CALD1: variants seen among roughly 807,000 people sequenced by gnomAD.
CALD1 encodes the protein caldesmon.
CALD1 carries 33 observed loss-of-function variants against 99.9 expected under a neutral mutation model. That is an observed-to-expected ratio of 0.33 (90% CI 0.25 to 0.44). The LOEUF (loss-of-function observed/expected upper bound fraction) is 0.44. CALD1 is among the 20% of genes least tolerant of loss of function. The probability of loss-of-function intolerance (pLI) is 1.00; values close to 1 mark genes in which losing one functional copy is unlikely to be tolerated. For synonymous variants in CALD1, 310 were observed against 325.0 expected (o/e 0.95, Z 0.50); for missense variants, 861 against 962.1 (o/e 0.89, Z 1.39).
rs530052554 is a variant in CALD1, at chr7:134,796,236, T to C, written c.-130+16487T>C. Among the ~76,000 whole-genome samples the C allele has an allele frequency of 1.3e-4, 20 of 152,346 alleles. No homozygotes were observed. In the East Asian group the frequency reaches 3.9e-3, roughly 29 times the overall value. Reference sequence around the variant, plus strand: ...CCACAGCTGATAATCTGTGTGACTTTGAATGGCCTCCTTGTGCCTCGGGCT... The same window carrying C: ...CCACAGCTGATAATCTGTGTGACTTCGAATGGCCTCCTTGTGCCTCGGGCT... On this transcript the variant is annotated intron_variant, in intron 1 of 14. Transcript: ENST00000361675.
chr7:134,828,789 T>C (rs1422345678), intron 1 of CALD1, among the ~76,000 whole-genome samples: 1 of 152,224 alleles, frequency 6.6e-6, no homozygotes, highest in African/African-American at 2.4e-5. Context: ...GAAAATAGCT[T>C]TTAGGTCTGC....
chr7:134,926,741 T>C (rs1805050018), intron 3 of CALD1, among the ~76,000 whole-genome samples: 1 of 152,238 alleles, frequency 6.6e-6, no homozygotes, highest in African/African-American at 2.4e-5. Context: ...AGTATGGTTC[T>C]ACTGTTTTGT....
In CALD1 at chr7:134,950,481, C is replaced by T; in HGVS notation, c.1902C>T (p.Phe634=). The T allele has an allele frequency of 6.2e-7, 1 of 1,614,062 alleles. No individual in the cohort carries two copies. The highest frequency in any genetic ancestry group is 8.5e-7 in the Non-Finnish European group (1 of 1,179,892). ...GCTTGTCAGATGACAAGAAACCATT[C>T]AAGTGTTTCACTCCTAAAGGTTCAT... The part of the protein sequence containing the change: ...EDGLSDDKKP[F]KCFTPKGSSL... The change falls in exon 9 of 15, where the codon TTC becomes TTT. Residue 634 remains phenylalanine (F), a synonymous_variant. Coordinates refer to ENST00000361675, the MANE Select transcript of CALD1 (RefSeq NM_033138.4).
rs570097270 is a variant in CALD1, at chr7:134,804,220, T to C, written c.-130+24471T>C. Among the ~76,000 whole-genome samples the C allele has an allele frequency of 6.6e-5, 10 of 152,368 alleles. No homozygotes were observed. In the South Asian group the frequency reaches 1.9e-3, roughly 28 times the overall value. ...TTATAATAATTGTATGAATACTTCA[T>C]AGCTTACCACATAGTATACTATGAT... On this transcript the variant is annotated intron_variant, in intron 1 of 14. Coordinates refer to ENST00000361675, the MANE Select transcript of CALD1 (RefSeq NM_033138.4).
intron 4 of CALD1, among the ~76,000 whole-genome samples, chr7:134,930,419 C>A (rs1008013665): frequency 6.6e-6 from 1 of 152,116 alleles, no homozygotes; most frequent in Non-Finnish European, 1.5e-5. Context: ...TATATAAGAT[C>A]TCACATGTGG....
intron 1 of CALD1, among the ~76,000 whole-genome samples, chr7:134,799,320 T>G (rs1797859617): frequency 6.6e-6 from 1 of 152,190 alleles, no homozygotes; most frequent in Non-Finnish European, 1.5e-5. Context: ...ATTGGTCATC[T>G]AAGTATAAAT....
the CALD1 span, among the ~76,000 whole-genome samples, chr7:134,727,099 T>G: frequency 1.4e-4 from 22 of 152,192 alleles, no homozygotes; most frequent in African/African-American, 5.3e-4. Flanking sequence ...AGCCTTCCAC[T>G]TCTACAGTGG....
At chr7:134,757,891 T>TA (rs111753846) in intron 1 of CALD1, among the ~76,000 whole-genome samples, 40 of 140,654 alleles carry the variant, frequency 2.8e-4, no homozygotes, top group East Asian at 1.4e-3. Flanking sequence ...AAAATAAAAA[T>TA]AAAAAAAAAA....
intron 2 of CALD1, among the ~76,000 whole-genome samples, chr7:134,847,017 G>A (rs1363876163): frequency 1.3e-5 from 2 of 152,206 alleles, no homozygotes; most frequent in East Asian, 1.9e-4. Context: ...GGCCAACATA[G>A]GTGCCTCCCG....
chr7:134,886,322 C>A (rs1228263078), intron 3 of CALD1, among the ~76,000 whole-genome samples: 2 of 152,076 alleles, frequency 1.3e-5, no homozygotes, highest in African/African-American at 4.8e-5. Flanking sequence ...TCTTAAAGAA[C>A]CACTAGAATT....
chr7:134,867,640 A>G (rs759512643), intron 2 of CALD1, 53 bp from the exon 3 acceptor site: 16 of 630,660 alleles, frequency 2.5e-5, no homozygotes, highest in Non-Finnish European at 3.8e-5. Flanking sequence ...GTAACTCAGG[A>G]GAAGTAACAC....
chr7:134,843,267 C>T (rs1563038569), intron 1 of CALD1, among the ~76,000 whole-genome samples: 2 of 152,160 alleles, frequency 1.3e-5, no homozygotes, highest in African/African-American at 4.8e-5. Context: ...ATGGTTCACC[C>T]GGGCGTCTAT....
At chr7:134,768,902 C>T (rs976762309) in intron 1 of CALD1, among the ~76,000 whole-genome samples, 1 of 152,068 alleles carries the variant, frequency 6.6e-6, no homozygotes, top group Non-Finnish European at 1.5e-5. Flanking sequence ...AGTCCATTCT[C>T]ATATGCATTC....
intron 1 of CALD1, among the ~76,000 whole-genome samples, chr7:134,831,357 T>G (rs1005248675): frequency 1.3e-5 from 2 of 152,172 alleles, no homozygotes; most frequent in Admixed American, 6.5e-5. Context: ...TCTTCCTCTG[T>G]TGCCCGGGTT....
At chr7:134,927,280 T>G (rs1047301523) in intron 3 of CALD1, among the ~76,000 whole-genome samples, 3 of 152,124 alleles carry the variant, frequency 2.0e-5, no homozygotes, top group Admixed American at 2.0e-4. Context: ...TGATATTGAT[T>G]TGTAATTTCC....
At chr7:134,830,345 C>A (rs759452019) in intron 1 of CALD1, among the ~76,000 whole-genome samples, 4 of 152,008 alleles carry the variant, frequency 2.6e-5, no homozygotes, top group Admixed American at 2.0e-4. Flanking sequence ...ATTTGCTACA[C>A]CTTTGAATTA....
In CALD1 at chr7:134,969,866, G is replaced by A. The variant is rs933688440; in HGVS notation, c.*1521G>A. On this transcript the variant is annotated 3_prime_UTR_variant, in exon 15 of 15. Coordinates refer to ENST00000361675, the MANE Select transcript of CALD1 (RefSeq NM_033138.4). Reference sequence around the variant, plus strand: ...GTTCTAGTATAGCTGGATACATACAGTGGAGTTCTATAAACTCATACCTCA... The same window carrying A: ...GTTCTAGTATAGCTGGATACATACAATGGAGTTCTATAAACTCATACCTCA... 1 of 152,628 alleles carries A rather than the reference G, an allele frequency of 6.6e-6. No homozygotes were observed. Among genetic ancestry groups the A allele is most frequent in the African/African-American group, 2.4e-5 (1 of 41,456 alleles). 9.5% of individuals were successfully genotyped at this position (152,628 alleles called of 1,614,324 possible).
intron 1 of CALD1, chr7:134,809,627 G>A (rs1249100769): frequency 6.6e-6 from 1 of 152,132 alleles, no homozygotes; most frequent in Non-Finnish European, 1.5e-5. Context: ...CATTCAGCAA[G>A]GTATAATTGT....
intron 1 of CALD1, among the ~76,000 whole-genome samples, chr7:134,747,237 T>C (rs768109724): frequency 1.4e-4 from 22 of 152,140 alleles, no homozygotes; most frequent in Non-Finnish European, 3.1e-4. Flanking sequence ...GAGCAAGGAA[T>C]AGGTCTTTGA....
Sources: allele counts gnomAD v4.1 joint callset (sites outside exome capture counted in the v4.1 genomes callset), GRCh38; gene constraint gnomAD v4.1.1; transcripts MANE v1.5; gene names NCBI Gene and HGNC (gene_info 2026-07-23, HGNC 2026-07-21).